SOD2: variants seen among roughly 807,000 people sequenced by gnomAD.
SOD2 encodes superoxide dismutase [Mn], mitochondrial.
In SOD2, 11 loss-of-function variants were observed where a neutral mutation model predicts 27.0. The observed-to-expected ratio is 0.41, with a 90% confidence interval of 0.26 to 0.67. SOD2 has a LOEUF of 0.67. SOD2 is among the 30% of genes least tolerant of loss of function. SOD2 has a pLI of 0.34. For missense variants in SOD2, 250 were observed against 274.5 expected, an observed-to-expected ratio of 0.91 and a Z score of 0.63; for synonymous variants, 105 against 103.0, an observed-to-expected ratio of 1.02 and a Z score of -0.12.
At chr6:159,718,208 T>G (rs1777960501) in intron 1 of SOD2, among the ~76,000 whole-genome samples, 1 of 152,020 alleles carries the variant, frequency 6.6e-6, no homozygotes, top group African/African-American at 2.4e-5. Context: ...CCCAGGCTGG[T>G]CTCAAACCCT....
intron 2 of SOD2, chr6:159,688,486 G>A (rs1442633603): frequency 9.2e-6 from 4 of 432,722 alleles, no homozygotes; most frequent in Admixed American, 4.0e-5. Context: ...CTAGGCTCAG[G>A]GATCTCTTAG....
chr6:159,689,961 GA>G (rs534715127), intron 2 of SOD2, among the ~76,000 whole-genome samples: 54 of 136,998 alleles, frequency 3.9e-4, no homozygotes, highest in African/African-American at 2.7e-4. Flanking sequence ...CTCCGTCACA[GA>G]AAAAAAAAAA....
chr6:159,748,826 C>T (rs1284399511), upstream of SOD2: 4 of 1,226,832 alleles, frequency 3.3e-6, no homozygotes, highest in African/African-American at 1.6e-5. This position sits in a 1 kb window ranked among gnomAD's most constrained non-coding sequence, Gnocchi z 5.6. Context: ...GAATATGCAT[C>T]GCTCTTAACC....
chr6:159,686,878 C>T (rs1019954572), intron 3 of SOD2, among the ~76,000 whole-genome samples: 2 of 152,088 alleles, frequency 1.3e-5, no homozygotes, highest in East Asian at 3.9e-4. Context: ...TCATGCCCTC[C>T]CTGGGTGAAG....
At chr6:159,713,624 C>T (rs1777871329) in intron 1 of SOD2, 4 of 1,021,130 alleles carry the variant, frequency 3.9e-6, no homozygotes, top group Non-Finnish European at 6.1e-6. Flanking sequence ...ACAATCTCTT[C>T]CTTGGACAGC....
intron 1 of SOD2, among the ~76,000 whole-genome samples, chr6:159,734,471 C>A (rs990086610): frequency 1.3e-5 from 2 of 151,422 alleles, no homozygotes; most frequent in South Asian, 4.2e-4. Flanking sequence ...TTAAAATAAA[C>A]CATAAACACT....
upstream of SOD2, among the ~76,000 whole-genome samples, chr6:159,730,160 C>G (rs1180800260): frequency 2.0e-5 from 3 of 152,166 alleles, no homozygotes; most frequent in East Asian, 5.8e-4. Context: ...TTTTAATCAC[C>G]TAATAGCTGA....
At chr6:159,713,448 G>A in intron 1 of SOD2, 1 of 650,868 alleles carries the variant, frequency 1.5e-6, no homozygotes, top group Non-Finnish European at 2.8e-6. Context: ...TATTCTAGAA[G>A]ATTTCAATGT....
intron 1 of SOD2, among the ~76,000 whole-genome samples, chr6:159,754,751 G>GT (rs1779942828): frequency 1.3e-5 from 2 of 152,262 alleles, no homozygotes; most frequent in South Asian, 4.1e-4. Context: ...TATAGACCCA[G>GT]TTTTTTCTTC....
At chr6:159,750,742 C>G (rs1779787854) in intron 1 of SOD2, among the ~76,000 whole-genome samples, 2 of 151,940 alleles carry the variant, frequency 1.3e-5, no homozygotes, top group Admixed American at 1.3e-4. Flanking sequence ...TTATTTGAAT[C>G]ACTTATAAAT....
intron 1 of SOD2, among the ~76,000 whole-genome samples, chr6:159,720,989 G>A (rs1269424968): frequency 6.7e-6 from 1 of 149,250 alleles, no homozygotes; most frequent in Non-Finnish European, 1.5e-5. Flanking sequence ...CCAAGGAGCT[G>A]GGACTACAGG....
chr6:159,710,454 A>C (rs1777712548), intron 1 of SOD2, among the ~76,000 whole-genome samples: 1 of 152,046 alleles, frequency 6.6e-6, no homozygotes, highest in South Asian at 2.1e-4. Context: ...TCTCAAAAAA[A>C]GAGGAAAAAG....
chr6:159,697,723 T>C (rs953686375), upstream of SOD2, among the ~76,000 whole-genome samples: 1 of 152,230 alleles, frequency 6.6e-6, no homozygotes. Context: ...ATTCCTGCTG[T>C]AAGCAAAGAC....
At chr6:159,709,661 T>G (rs1777692602) in intron 1 of SOD2, among the ~76,000 whole-genome samples, 1 of 152,158 alleles carries the variant, frequency 6.6e-6, no homozygotes, top group Non-Finnish European at 1.5e-5. Flanking sequence ...ACTTTTACAC[T>G]GTTGGTGGGA....
At chr6:159,755,125 G>A in intron 1 of SOD2, 1 of 1,614,222 alleles carries the variant, frequency 6.2e-7, no homozygotes, top group Non-Finnish European at 8.5e-7. Context: ...CACGCCAGCA[G>A]TTGGCTCAGT....
At chr6:159,736,399 C>T in intron 1 of SOD2, 1 of 929,942 alleles carries the variant, frequency 1.1e-6, no homozygotes, top group African/African-American at 1.7e-5. Context: ...TCGTTGTTTG[C>T]TTATTTTTCA....
At chr6:159,683,219 C>G in intron 4 of SOD2, among the ~76,000 whole-genome samples, 1 of 152,230 alleles carries the variant, frequency 6.6e-6, no homozygotes, top group South Asian at 2.1e-4. Flanking sequence ...CGCAGTGGCT[C>G]AGGCCTGTAA....
At chr6:159,757,647 G>T (rs1004847646) in intron 1 of SOD2, among the ~76,000 whole-genome samples, 4 of 152,092 alleles carry the variant, frequency 2.6e-5, no homozygotes, top group Non-Finnish European at 4.4e-5. Flanking sequence ...TCCTGACCTT[G>T]TGATCCACCC....
chr6:159,692,784 A>T lies in SOD2; in HGVS notation c.103T>A (p.Tyr35Asn), dbSNP rs1271218795. 2 of 1,614,148 alleles carry T rather than the reference A, an allele frequency of 1.2e-6. No homozygotes were observed. The highest frequency in any genetic ancestry group is 8.5e-7 in the Non-Finnish European group (1 of 1,180,028). ...KHSLPDLPYD[Y>N]GALEPHINAQ... ...TTGATGTGAGGTTCCAGGGCGCCGT[A>T]GTCGTAGGGCAGGTCGGGGAGGCTG... The change falls in exon 2 of 5, where the codon TAC becomes AAC. Residue 35 changes from tyrosine (Y) to asparagine (N), a missense_variant. Transcript: ENST00000538183.
Sources: allele counts gnomAD v4.1 joint callset (sites outside exome capture counted in the v4.1 genomes callset), GRCh38; gene constraint gnomAD v4.1.1; non-coding constraint Gnocchi (gnomAD v3.1); transcripts MANE v1.5; gene names NCBI Gene and HGNC (gene_info 2026-07-23, HGNC 2026-07-21).